Variants in TMEM233 observed in about 807,000 individuals in gnomAD.
TMEM233 encodes dispanin subfamily B member 2.
Under a neutral mutation model 11.2 loss-of-function variants are expected in TMEM233, and 6 were observed. That is an observed-to-expected ratio of 0.54 (90% CI 0.29 to 1.06). The LOEUF (loss-of-function observed/expected upper bound fraction) is 1.06. TMEM233 is among the 50% of genes least tolerant of loss of function. The pLI, the probability that TMEM233 is intolerant of heterozygous loss-of-function variation, is 0.08. For missense variants in TMEM233, 127 were observed against 144.7 expected, an observed-to-expected ratio of 0.88 and a Z score of 0.63; for synonymous variants, 59 against 55.8, an observed-to-expected ratio of 1.06 and a Z score of -0.26.
chr12:119,649,854 T>TATTAAAAAAAAAA, the TMEM233 span, among the ~76,000 whole-genome samples: 2 of 91,306 alleles, frequency 2.2e-5, no homozygotes, highest in African/African-American at 9.0e-5. Flanking sequence ...GTTTAACTAT[T>TATTAAAAAAAAAA]AAAAAAAAAA....
At chr12:119,604,490 G>A (rs1186134426) in intron 1 of TMEM233, among the ~76,000 whole-genome samples, 1 of 152,130 alleles carries the variant, frequency 6.6e-6, no homozygotes, top group East Asian at 1.9e-4. Context: ...ATAATACTTT[G>A]ATTCTCACTT....
At chr12:119,632,664 ACT>A in intron 2 of TMEM233, among the ~76,000 whole-genome samples, 1 of 151,994 alleles carries the variant, frequency 6.6e-6, no homozygotes, top group East Asian at 1.9e-4. Flanking sequence ...AGCAGCCACC[ACT>A]CTGCTCCAAT....
At position 119,640,853 on chromosome 12, in the gene TMEM233, C is replaced by CAATA; in HGVS notation, c.*150_*151insTAAA. 3.0e-5 allele frequency: 13 copies of CAATA among 435,132 alleles called. No homozygotes were observed. Among genetic ancestry groups the CAATA allele is most frequent in the East Asian group, 4.7e-5 (1 of 21,208 alleles). The allele number at this position is 435,132 out of a possible 1,614,324, so 27.0% of individuals were successfully genotyped here. A position where few individuals can be genotyped will look rare whatever the true frequency, so the allele number is the denominator to read the frequency against. The stretch of plus-strand genomic sequence containing the variant: ...CAGAGGCAGGTCCCTGGCAAATGAA[C>CAATA]AAGAAAAAAAAAAAAAAAAAGTCCA... On this transcript the variant is annotated 3_prime_UTR_variant, in exon 3 of 3. Transcript: ENST00000426426.
intron 1 of TMEM233, among the ~76,000 whole-genome samples, chr12:119,601,157 G>A (rs191287698): frequency 2.6e-5 from 4 of 152,022 alleles, no homozygotes; most frequent in Non-Finnish European, 4.4e-5. Context: ...AGAACTGAAC[G>A]CATGAATTTC....
intron 2 of TMEM233, among the ~76,000 whole-genome samples, chr12:119,637,015 G>A (rs893907734): frequency 7.9e-5 from 12 of 152,148 alleles, no homozygotes; most frequent in Non-Finnish European, 1.8e-4. Flanking sequence ...TAGGGTTCAT[G>A]GCATCTGTTT....
At chr12:119,607,459 A>G (rs1954303025) in intron 1 of TMEM233, among the ~76,000 whole-genome samples, 1 of 152,206 alleles carries the variant, frequency 6.6e-6, no homozygotes, top group Non-Finnish European at 1.5e-5. Flanking sequence ...GCCTATTATC[A>G]TTTCAAATAT....
the TMEM233 span, among the ~76,000 whole-genome samples, chr12:119,652,564 T>C: frequency 6.6e-6 from 1 of 152,060 alleles, no homozygotes; most frequent in Non-Finnish European, 1.5e-5. Context: ...CCAAAAGCAA[T>C]AGTCTTATTA....
At chr12:119,645,952 GA>G (rs1412524052), downstream of TMEM233, among the ~76,000 whole-genome samples, 6 of 152,142 alleles carry the variant, frequency 3.9e-5, no homozygotes, top group African/African-American at 1.4e-4. Flanking sequence ...TGCCTATATA[GA>G]AATGGCCTGA....
chr12:119,630,017 C>T (rs1954847749), intron 2 of TMEM233, 145 bp downstream of exon 2: 3 of 1,023,418 alleles, frequency 2.9e-6, no homozygotes, highest in Non-Finnish European at 4.1e-6. Flanking sequence ...TAAATTTGTC[C>T]CAGTCCAGAG....
At chr12:119,650,628 T>TTTGTTGTTGTTGTTG in the TMEM233 span, among the ~76,000 whole-genome samples, 68 of 151,452 alleles carry the variant, frequency 4.5e-4, no homozygotes, top group African/African-American at 1.5e-3. Context: ...CTTATTTGAT[T>TTTGTTGTTGTTGTTG]TTGTTGTTGT....
In TMEM233 at chr12:119,640,809, C is replaced by G; in HGVS notation, c.*104C>G. ...GATCCTTGACTTCAGACTGTGAGAT[C>G]TTTTCCTCCAGGACTCTCCAGAGGC... On this transcript the variant is annotated 3_prime_UTR_variant, in exon 3 of 3. Coordinates refer to ENST00000426426, the MANE Select transcript of TMEM233 (RefSeq NM_001136534.3). 2 of 1,296,890 alleles carry G rather than the reference C, an allele frequency of 1.5e-6. No homozygotes were observed. Among genetic ancestry groups the G allele is most frequent in the Non-Finnish European group, 2.1e-6 (2 of 930,876 alleles). 80.3% of individuals were successfully genotyped at this position (1,296,890 alleles called of 1,614,324 possible).
chr12:119,599,068 A>C (rs1003370807), intron 1 of TMEM233, among the ~76,000 whole-genome samples: 2 of 152,228 alleles, frequency 1.3e-5, no homozygotes, highest in Non-Finnish European at 2.9e-5. Context: ...ACTGGAATAA[A>C]AATTTGTTGC....
intron 1 of TMEM233, among the ~76,000 whole-genome samples, chr12:119,606,676 A>G (rs758075043): frequency 1.3e-5 from 2 of 152,258 alleles, no homozygotes; most frequent in Non-Finnish European, 2.9e-5. Context: ...AGAGATTAAA[A>G]TGAAAAACCA....
chr12:119,647,024 AC>A (rs1160601714), downstream of TMEM233, among the ~76,000 whole-genome samples: 1 of 152,122 alleles, frequency 6.6e-6, no homozygotes, highest in East Asian at 1.9e-4. Flanking sequence ...AACCCAACCC[AC>A]ACACCCAGTG....
chr12:119,610,653 A>T (rs1954376966), intron 1 of TMEM233, among the ~76,000 whole-genome samples: 1 of 152,004 alleles, frequency 6.6e-6, no homozygotes, highest in African/African-American at 2.4e-5. Flanking sequence ...TTCACTTGGC[A>T]CTCATTCTCT....
intron 2 of TMEM233, among the ~76,000 whole-genome samples, chr12:119,638,444 C>T (rs1414335418): frequency 6.6e-6 from 1 of 152,012 alleles, no homozygotes; most frequent in East Asian, 1.9e-4. Flanking sequence ...GCCTGGGTGA[C>T]AGAGCAAGAC....
At chr12:119,629,057 A>G (rs1387465767) in intron 1 of TMEM233, among the ~76,000 whole-genome samples, 37 of 152,240 alleles carry the variant, frequency 2.4e-4, no homozygotes, top group Non-Finnish European at 1.5e-5. Context: ...TTTTTATGCT[A>G]CAAATACTTA....
At chr12:119,651,178 G>A in the TMEM233 span, among the ~76,000 whole-genome samples, 16 of 152,188 alleles carry the variant, frequency 1.1e-4, no homozygotes, top group Non-Finnish European at 2.2e-4. Context: ...TCAGATAGAA[G>A]ACAAACTTCA....
At chr12:119,627,249 T>C (rs902399247) in intron 1 of TMEM233, among the ~76,000 whole-genome samples, 1 of 152,194 alleles carries the variant, frequency 6.6e-6, no homozygotes, top group African/African-American at 2.4e-5. Flanking sequence ...GACCAAATAG[T>C]AAATATTTTT....
Sources: gnomAD v4.1 joint callset for allele counts (sites outside exome capture counted in the v4.1 genomes callset) on GRCh38, gnomAD v4.1.1 for gene constraint, MANE v1.5 for transcripts, NCBI Gene and HGNC (gene_info 2026-07-23, HGNC 2026-07-21) for gene names.